EXOSC4: variants seen among roughly 807,000 people sequenced by gnomAD.
EXOSC4 encodes the protein exosome complex component RRP41.
Under a neutral mutation model 20.0 loss-of-function variants are expected in EXOSC4, and 14 were observed. That is an observed-to-expected ratio of 0.70 (90% CI 0.46 to 1.09). The LOEUF (loss-of-function observed/expected upper bound fraction) is 1.09, where lower values mean the gene tolerates loss of function less well. EXOSC4 is among the 50% of genes least tolerant of loss of function. The pLI, the probability that EXOSC4 is intolerant of heterozygous loss-of-function variation, is 0.00. For missense variants in EXOSC4, 337 were observed against 334.0 expected (o/e 1.01, Z -0.07); for synonymous variants, 148 against 146.4 (o/e 1.01, Z -0.08).
chr8:144,072,541 C>T, the EXOSC4 span, among the ~76,000 whole-genome samples: 2 of 152,146 alleles, frequency 1.3e-5, no homozygotes, highest in Non-Finnish European at 2.9e-5. Flanking sequence ...ACTCTCTTTA[C>T]CACCACCCCG....
chr8:144,064,682 C>T, the EXOSC4 span, among the ~76,000 whole-genome samples: 1 of 152,176 alleles, frequency 6.6e-6, no homozygotes, highest in Non-Finnish European at 1.5e-5. Context: ...GGGCCATAAC[C>T]TCAAGGAAGG....
chr8:144,075,990 G>A (rs1422538686), upstream of EXOSC4, among the ~76,000 whole-genome samples: 4 of 152,212 alleles, frequency 2.6e-5, no homozygotes, highest in African/African-American at 9.7e-5. Context: ...GGGTGTCTGG[G>A]AACTTGGGTT....
At chr8:144,074,939 C>G (rs533846303), upstream of EXOSC4, among the ~76,000 whole-genome samples, 2 of 152,250 alleles carry the variant, frequency 1.3e-5, no homozygotes, top group African/African-American at 4.8e-5. Flanking sequence ...AATTTAATGA[C>G]AATTCTAAAA....
chr8:144,075,217 C>A (rs1265063413), upstream of EXOSC4, among the ~76,000 whole-genome samples: 3 of 151,436 alleles, frequency 2.0e-5, no homozygotes, highest in African/African-American at 7.3e-5. Flanking sequence ...TATGCACCAC[C>A]ATGTCCAGTT....
Position 144,078,716 on chromosome 8 carries a change from G to A in EXOSC4, c.-13G>A. The A allele has an allele frequency of 1.4e-6, 2 of 1,442,018 alleles. No homozygotes were observed. Among genetic ancestry groups the A allele is most frequent in the East Asian group, 2.8e-5 (1 of 35,360 alleles). The allele number at this position is 1,442,018 out of a possible 1,614,324, so 89.3% of individuals were successfully genotyped here. On this transcript the variant is annotated 5_prime_UTR_variant, in exon 1 of 3. Coordinates refer to ENST00000316052, the MANE Select transcript of EXOSC4 (RefSeq NM_019037.3). The surrounding 1 kb of genome is among the most constrained non-coding windows in gnomAD (Gnocchi z 4.7). ...GAGAAGTAGGCAGAGAGCGGACCTG[G>A]CGGCCGGGCAGCATGGCGGGGCTGG...
the EXOSC4 span, among the ~76,000 whole-genome samples, chr8:144,067,805 C>T: frequency 1.1e-4 from 17 of 152,134 alleles, 1 homozygote. Context: ...GTCAGGAGTT[C>T]GAGACCAGCC....
At chr8:144,068,415 C>A in the EXOSC4 span, among the ~76,000 whole-genome samples, 1 of 152,228 alleles carries the variant, frequency 6.6e-6, no homozygotes, top group Non-Finnish European at 1.5e-5. Flanking sequence ...TTGACACCAC[C>A]ACCATGGCTG....
chr8:144,065,481 C>A, the EXOSC4 span, among the ~76,000 whole-genome samples: 1 of 152,044 alleles, frequency 6.6e-6, no homozygotes, highest in Admixed American at 6.6e-5. Context: ...GTAATCCCAG[C>A]ACTTTGGGAG....
At chr8:144,077,952 A>G (rs1190245606), upstream of EXOSC4, 4 of 152,238 alleles carry the variant, frequency 2.6e-5, no homozygotes, top group Admixed American at 1.3e-4. Context: ...AGAGATCCTA[A>G]GTGCAAACTA....
upstream of EXOSC4, among the ~76,000 whole-genome samples, chr8:144,074,077 A>G (rs572839303): frequency 6.6e-6 from 1 of 152,264 alleles, no homozygotes; most frequent in Non-Finnish European, 1.5e-5. Context: ...CTCGAGAAAC[A>G]GGCTCACCAG....
At chr8:144,070,842 T>A in the EXOSC4 span, among the ~76,000 whole-genome samples, 111 of 150,152 alleles carry the variant, frequency 7.4e-4, no homozygotes, top group Middle Eastern at 3.4e-3. Flanking sequence ...AAAAAAAAAA[T>A]TTTTTTTTCA....
At chr8:144,079,775 G>A in intron 1 of EXOSC4, 168 bp from the exon 2 acceptor site, 1 of 765,824 alleles carries the variant, frequency 1.3e-6, no homozygotes, top group Non-Finnish European at 2.3e-6. Flanking sequence ...AGGTGCCAGA[G>A]GGCGACACAT....
upstream of EXOSC4, chr8:144,078,651 C>T (rs915223927): frequency 5.3e-6 from 7 of 1,327,652 alleles, no homozygotes; most frequent in Admixed American, 4.0e-5. This position sits in a 1 kb window ranked among gnomAD's most constrained non-coding sequence, Gnocchi z 4.7. Flanking sequence ...AGATTCCGGG[C>T]GGTCGGAGCC....
the EXOSC4 span, among the ~76,000 whole-genome samples, chr8:144,073,076 T>C: frequency 6.6e-6 from 1 of 152,302 alleles, no homozygotes; most frequent in East Asian, 1.9e-4. Context: ...GTCCAGCCCA[T>C]AGCAGCAGAG....
the EXOSC4 span, among the ~76,000 whole-genome samples, chr8:144,071,442 AT>A: frequency 6.7e-6 from 1 of 148,338 alleles, no homozygotes; most frequent in South Asian, 2.2e-4. Context: ...TGCGCCTGGG[AT>A]TACAGGTGCG....
chr8:144,066,634 G>A, the EXOSC4 span, among the ~76,000 whole-genome samples: 2 of 151,510 alleles, frequency 1.3e-5, no homozygotes, highest in East Asian at 4.0e-4. Context: ...AGTAGAGACA[G>A]GGTTTCACCC....
chr8:144,077,150 T>C (rs1835842957), upstream of EXOSC4, among the ~76,000 whole-genome samples: 3 of 150,552 alleles, frequency 2.0e-5, no homozygotes. Flanking sequence ...GAGGCTGAGA[T>C]AGAAGAATCA....
the EXOSC4 span, among the ~76,000 whole-genome samples, chr8:144,070,951 G>A: frequency 6.6e-5 from 10 of 151,920 alleles, no homozygotes; most frequent in African/African-American, 9.7e-5. Flanking sequence ...TGACCCAGGC[G>A]TGATTTCTAG....
upstream of EXOSC4, among the ~76,000 whole-genome samples, chr8:144,077,008 T>C (rs1211672963): frequency 1.4e-5 from 2 of 146,940 alleles, no homozygotes; most frequent in Non-Finnish European, 3.0e-5. Context: ...GAGGTGGAGG[T>C]TGCAGTGAGC....
Sources: allele counts gnomAD v4.1 joint callset (sites outside exome capture counted in the v4.1 genomes callset), GRCh38; gene constraint gnomAD v4.1.1; non-coding constraint Gnocchi (gnomAD v3.1); transcripts MANE v1.5; gene names NCBI Gene and HGNC (gene_info 2026-07-23, HGNC 2026-07-21).